DLGAP2: variants seen among roughly 807,000 people sequenced by gnomAD.
The protein encoded by DLGAP2 is DLG associated protein 2, also known as disks large-associated protein 2.
DLGAP2 carries 26 observed loss-of-function variants against 100.3 expected under a neutral mutation model. That is an observed-to-expected ratio of 0.26 (90% CI 0.19 to 0.36). DLGAP2 has a LOEUF of 0.36. Among genes scored for constraint, DLGAP2 ranks in the 10% least tolerant of loss-of-function variants. The pLI is 1.00. For synonymous variants in DLGAP2, 886 were observed against 630.1 expected (o/e 1.41, Z -6.08); for missense variants, 1,858 against 1,453.2 (o/e 1.28, Z -4.53).
Position 1,457,109 on chromosome 8 carries a change from T to C in DLGAP2, c.107-44257T>C, listed in dbSNP as rs142116965. On this transcript the variant is annotated intron_variant, in intron 3 of 14. Transcript: ENST00000637795. ...GTGATTTGATAAAAGACTCCTATTT[T>C]ATTGGAGTTGCAAGATTTTTCAGTG... Among the ~76,000 whole-genome samples the C allele has an allele frequency of 8.5e-5, 13 of 152,344 alleles. No homozygotes were observed. In the East Asian group the frequency reaches 2.1e-3, roughly 25 times the overall value.
At position 1,164,313 on chromosome 8, in the gene DLGAP2, T is replaced by TG. The variant is rs1563224483; in HGVS notation, c.74-94537dup. On this transcript the variant is annotated intron_variant, in intron 2 of 14. Coordinates refer to ENST00000637795, the MANE Select transcript of DLGAP2 (RefSeq NM_001346810.2). ...TTGTGAGCCCCCCAGGGTTTGTTTT[T>TG]GTTTGTGGGGACAGATTTTTCTGTG... Among the ~76,000 whole-genome samples the TG allele has an allele frequency of 6.4e-4, 23 of 35,838 alleles. 3 individuals are homozygous for TG. Among genetic ancestry groups the TG allele is most frequent in the Non-Finnish European group, 1.4e-3 (20 of 14,066 alleles). The allele number at this position is 35,838 out of a possible 152,430, so 23.5% of individuals were successfully genotyped here. A position where few individuals can be genotyped will look rare whatever the true frequency, so the allele number is the denominator to read the frequency against.
chr8:1,343,597 A>T lies in DLGAP2; in HGVS notation c.106+84714A>T, dbSNP rs989109187. ...CTGGTCAAAACCAGAACTTTCTTGG[A>T]AATATTAACCCTTTACTGCATGCCA... On this transcript the variant is annotated intron_variant, in intron 3 of 14. Transcript: ENST00000637795. Among the ~76,000 whole-genome samples, 3 of 152,310 alleles carry T rather than the reference A, an allele frequency of 2.0e-5. No homozygotes were observed. The South Asian group carries it at 6.2e-4, about 32-fold the overall frequency.
At chr8:1,052,120 A>G (rs1802733710) in intron 2 of DLGAP2, among the ~76,000 whole-genome samples, 1 of 152,138 alleles carries the variant, frequency 6.6e-6, no homozygotes, top group Non-Finnish European at 1.5e-5. Flanking sequence ...GCAGCCCCAG[A>G]GTGCCTATTG....
At chr8:1,493,748 G>A (rs1799461130) in intron 3 of DLGAP2, among the ~76,000 whole-genome samples, 3 of 152,242 alleles carry the variant, frequency 2.0e-5, no homozygotes, top group African/African-American at 7.2e-5. Context: ...TCCCTGGGCA[G>A]CGGCTGGCTC....
chr8:1,232,841 A>G (rs1798565859), intron 2 of DLGAP2, among the ~76,000 whole-genome samples: 2 of 152,328 alleles, frequency 1.3e-5, no homozygotes, highest in South Asian at 4.1e-4. Flanking sequence ...TGTGCGAGCC[A>G]GTGGCTTTTA....
chr8:1,530,044 C>A (rs189174860), intron 4 of DLGAP2, among the ~76,000 whole-genome samples: 4 of 152,324 alleles, frequency 2.6e-5, no homozygotes, highest in African/African-American at 9.6e-5. Context: ...ATTAAAATTG[C>A]TAATGAAGTT....
At chr8:1,042,524 A>G (rs1259562615) in intron 2 of DLGAP2, among the ~76,000 whole-genome samples, 1 of 152,178 alleles carries the variant, frequency 6.6e-6, no homozygotes, top group Non-Finnish European at 1.5e-5. Flanking sequence ...GGTGGTGAGA[A>G]GAGCCGTGAA....
intron 1 of DLGAP2, among the ~76,000 whole-genome samples, chr8:851,306 C>T (rs1416819115): frequency 7.2e-5 from 11 of 152,168 alleles, no homozygotes; most frequent in Admixed American, 2.0e-4. Context: ...CTGACAAAGT[C>T]GCCTGGTGAC....
At chr8:1,504,295 G>A (rs1399393249) in intron 4 of DLGAP2, among the ~76,000 whole-genome samples, 1 of 152,024 alleles carries the variant, frequency 6.6e-6, no homozygotes, top group African/African-American at 2.4e-5. Context: ...GATATAAATT[G>A]TGTGTATAGT....
intron 2 of DLGAP2, among the ~76,000 whole-genome samples, chr8:1,063,074 G>A (rs557855840): frequency 4.6e-5 from 7 of 152,182 alleles, no homozygotes; most frequent in East Asian, 3.9e-4. Context: ...CTGTGGAAAC[G>A]GCTTCCTTTG....
At position 1,691,123 on chromosome 8, in the gene DLGAP2, C is replaced by T. The variant is rs74994553; in HGVS notation, c.2705-412C>T. On this transcript the variant is annotated intron_variant, in intron 12 of 14. Coordinates refer to ENST00000637795, the MANE Select transcript of DLGAP2 (RefSeq NM_001346810.2). ...TTTCTAAAAATGAAGGAATTCACAT[C>T]TAAAAGAGTTCACTAACATGTTAGA... 7.9e-3 allele frequency among the ~76,000 whole-genome samples: 1,205 copies of T among 152,282 alleles called. 16 individuals are homozygous for T. The highest frequency in any genetic ancestry group is 0.027 in the African/African-American group (1,113 of 41,556).
At chr8:1,584,528 C>T (rs1053081797) in intron 6 of DLGAP2, among the ~76,000 whole-genome samples, 1 of 152,130 alleles carries the variant, frequency 6.6e-6, no homozygotes, top group Non-Finnish European at 1.5e-5. Flanking sequence ...TGGAGGGAAG[C>T]GGAGGGGAGA....
chr8:1,603,144 G>C (rs1246121266), intron 6 of DLGAP2, among the ~76,000 whole-genome samples: 1 of 151,734 alleles, frequency 6.6e-6, no homozygotes, highest in Non-Finnish European at 1.5e-5. Context: ...GCTGGTTAGA[G>C]TGGAGGCTGG....
At chr8:1,666,833 T>C (rs1798556109) in intron 8 of DLGAP2, among the ~76,000 whole-genome samples, 1 of 152,110 alleles carries the variant, frequency 6.6e-6, no homozygotes, top group African/African-American at 2.4e-5. Context: ...AATCCACTCA[T>C]GGGTTAAAAA....
intron 1 of DLGAP2, among the ~76,000 whole-genome samples, chr8:772,868 G>T (rs1008036147): frequency 6.6e-5 from 10 of 152,170 alleles, no homozygotes; most frequent in African/African-American, 2.4e-4. Context: ...TTGTGTGTAT[G>T]TGTAGGCAGA....
chr8:1,181,190 G>T (rs111820307), intron 2 of DLGAP2, among the ~76,000 whole-genome samples: 1,119 of 109,818 alleles, frequency 0.01, no homozygotes, highest in Middle Eastern at 0.02. Context: ...GTGGGTGGCT[G>T]TGCAAGGGCA....
chr8:967,765 G>GTA (rs1262660337), intron 2 of DLGAP2, among the ~76,000 whole-genome samples: 18 of 52,638 alleles, frequency 3.4e-4, no homozygotes, highest in African/African-American at 7.9e-4. Flanking sequence ...ACAAAGAGGT[G>GTA]TATATATATA....
chr8:1,323,306 A>T (rs1182867937), intron 3 of DLGAP2, among the ~76,000 whole-genome samples: 3 of 152,160 alleles, frequency 2.0e-5, no homozygotes, highest in Admixed American at 6.5e-5. Context: ...CTAGGATTAC[A>T]GGCATGAGCC....
At chr8:1,670,999 GGCCACGTCCCTGCCAGGCA>G (rs1358461594) in intron 10 of DLGAP2, among the ~76,000 whole-genome samples, 1 of 152,194 alleles carries the variant, frequency 6.6e-6, no homozygotes, top group Non-Finnish European at 1.5e-5. Flanking sequence ...GTGGACAGGT[GGCCACGTCCCTGCCAGGCA>G]CCATTTAATC....
Sources: gnomAD v4.1 joint callset for allele counts (sites outside exome capture counted in the v4.1 genomes callset) on GRCh38, gnomAD v4.1.1 for gene constraint, MANE v1.5 for transcripts, NCBI Gene and HGNC (gene_info 2026-07-23, HGNC 2026-07-21) for gene names.